PGAP1: variants seen among roughly 807,000 people sequenced by gnomAD.
PGAP1 encodes GPI inositol-deacylase.
Under a neutral mutation model 127.0 loss-of-function variants are expected in PGAP1, and 76 were observed. The observed-to-expected ratio is 0.60, with a 90% CI of 0.50 to 0.72. PGAP1 has a LOEUF of 0.72. PGAP1 is among the 30% of genes least tolerant of loss of function. The probability of loss-of-function intolerance (pLI) is 0.00; values close to 1 mark genes in which losing one functional copy is unlikely to be tolerated. For synonymous variants in PGAP1, 362 were observed against 366.5 expected, an observed-to-expected ratio of 0.99 and a Z score of 0.14; for missense variants, 982 against 1,071.3, an observed-to-expected ratio of 0.92 and a Z score of 1.16.
chr2:196,922,204 G>A, intron 1 of PGAP1: 1 of 1,291,082 alleles, frequency 7.7e-7, no homozygotes. Flanking sequence ...AACTCAAAAG[G>A]TAAAAATTCT....
At chr2:196,863,911 T>A (rs1446386840) in intron 20 of PGAP1, among the ~76,000 whole-genome samples, 7 of 152,068 alleles carry the variant, frequency 4.6e-5, no homozygotes, top group Admixed American at 3.3e-4. Flanking sequence ...TTGTATATTT[T>A]AAAATAGCTA....
chr2:196,851,025 T>C (rs1320809172), intron 20 of PGAP1, among the ~76,000 whole-genome samples: 1 of 151,896 alleles, frequency 6.6e-6, no homozygotes, highest in Non-Finnish European at 1.5e-5. Flanking sequence ...AATGCAAAAG[T>C]ATAAAAAAGT....
rs961950645 is a variant in PGAP1, at chr2:196,923,395, T to C, written c.147+3075A>G. Among the ~76,000 whole-genome samples, 6 of 152,102 alleles carry C rather than the reference T, an allele frequency of 3.9e-5. No individual in the cohort carries two copies. The East Asian group carries it at 9.6e-4, about 24-fold the overall frequency. ...GAACACCCAAGACAAACTTGGATGCTCTCCCTTATATGAAAAGCTCTGTAC... is the reference window on the plus strand; with the variant it reads ...GAACACCCAAGACAAACTTGGATGCCCTCCCTTATATGAAAAGCTCTGTAC... On this transcript the variant is annotated intron_variant, in intron 1 of 26. Transcript: ENST00000354764.
At chr2:196,918,945 C>G (rs1703097086) in intron 2 of PGAP1, among the ~76,000 whole-genome samples, 2 of 152,164 alleles carry the variant, frequency 1.3e-5, no homozygotes, top group African/African-American at 4.8e-5. Context: ...CATTCAAAGT[C>G]TTTTCCACAG....
chr2:196,906,920 G>A (rs1702739654), intron 4 of PGAP1, among the ~76,000 whole-genome samples: 1 of 137,570 alleles, frequency 7.3e-6, no homozygotes, highest in African/African-American at 3.0e-5. Context: ...AAAAAGAAAT[G>A]AGCAAAACCT....
intron 19 of PGAP1, among the ~76,000 whole-genome samples, chr2:196,870,052 A>G (rs536766582): frequency 9.2e-4 from 140 of 152,332 alleles, no homozygotes; most frequent in Non-Finnish European, 8.2e-4. Context: ...ACAATTGTGC[A>G]AATTATAGTG....
At chr2:196,859,505 A>T (rs151245064) in intron 20 of PGAP1, among the ~76,000 whole-genome samples, 3 of 152,234 alleles carry the variant, frequency 2.0e-5, no homozygotes, top group Admixed American at 2.0e-4. Flanking sequence ...GTAACTCCAA[A>T]CTCATTCTAT....
At chr2:196,921,409 C>G (rs1703189505) in intron 1 of PGAP1, among the ~76,000 whole-genome samples, 1 of 152,180 alleles carries the variant, frequency 6.6e-6, no homozygotes, top group African/African-American at 2.4e-5. Flanking sequence ...ATATGTACTT[C>G]AATTCAAATT....
intron 1 of PGAP1, among the ~76,000 whole-genome samples, chr2:196,925,641 G>A (rs1366225164): frequency 1.3e-5 from 2 of 152,154 alleles, no homozygotes; most frequent in African/African-American, 4.8e-5. Context: ...CATGGAAGCG[G>A]TAGGGGTGGA....
intron 1 of PGAP1, among the ~76,000 whole-genome samples, chr2:196,920,362 G>C (rs1182755903): frequency 4.6e-5 from 7 of 152,134 alleles, no homozygotes; most frequent in Non-Finnish European, 8.8e-5. Context: ...GAACCATGTA[G>C]TCTTTAGGAA....
Position 196,897,207 on chromosome 2 carries a change from AAAGT to A in PGAP1, c.861-14_861-11del, listed in dbSNP as rs751306632. The A allele has an allele frequency of 4.4e-4, 671 of 1,527,516 alleles. 8 individuals are homozygous for A. In the Middle Eastern group the frequency reaches 4.4e-3, roughly 10 times the overall value. 94.6% of individuals were successfully genotyped at this position (1,527,516 alleles called of 1,614,324 possible). ...CTGCAATTGTTTACACCTAAGGAAT[AAAGT>A]AAGTGTTACAAATAAAACTTTCTTA... is the stretch of plus-strand genomic sequence containing the variant. On this transcript the variant is annotated splice_polypyrimidine_tract_variant and intron_variant, in intron 6 of 26. Coordinates refer to ENST00000354764, the MANE Select transcript of PGAP1 (RefSeq NM_024989.4).
chr2:196,893,110 T>G, intron 8 of PGAP1, 30 bp downstream of exon 8: 1 of 1,318,580 alleles, frequency 7.6e-7, no homozygotes, highest in Non-Finnish European at 1.1e-6. Flanking sequence ...AATACTTCAT[T>G]TAAAATTAAA....
At chr2:196,850,755 G>A (rs1391539457) in intron 20 of PGAP1, among the ~76,000 whole-genome samples, 1 of 151,690 alleles carries the variant, frequency 6.6e-6, no homozygotes, top group Non-Finnish European at 1.5e-5. Flanking sequence ...AGAGATGGGA[G>A]GGGAAGGAAG....
At chr2:196,903,274 G>A (rs1377294446) in intron 4 of PGAP1, among the ~76,000 whole-genome samples, 1 of 150,940 alleles carries the variant, frequency 6.6e-6, no homozygotes, top group African/African-American at 2.4e-5. Context: ...AAGAGCTGTA[G>A]ATCCCTCCCT....
At chr2:196,845,793 G>C in intron 23 of PGAP1, 89 bp downstream of exon 23, 2 of 1,155,394 alleles carry the variant, frequency 1.7e-6, no homozygotes, top group Non-Finnish European at 2.3e-6. Flanking sequence ...GTGTTTATGA[G>C]AATTTTTGTT....
At chr2:196,845,793 G>T in intron 23 of PGAP1, 89 bp downstream of exon 23, 1 of 1,155,390 alleles carries the variant, frequency 8.7e-7, no homozygotes, top group Non-Finnish European at 1.2e-6. Flanking sequence ...GTGTTTATGA[G>T]AATTTTTGTT....
At chr2:196,842,088 C>G (rs1478228138) in intron 26 of PGAP1, among the ~76,000 whole-genome samples, 1 of 150,460 alleles carries the variant, frequency 6.6e-6, no homozygotes, top group Non-Finnish European at 1.5e-5. Flanking sequence ...ATCTTACATT[C>G]CCAAAACAAG....
At chr2:196,849,382 G>A (rs1700652302) in intron 20 of PGAP1, among the ~76,000 whole-genome samples, 1 of 150,390 alleles carries the variant, frequency 6.6e-6, no homozygotes. Context: ...TCCTGCCTCA[G>A]CCTTCCGAGT....
At chr2:196,842,317 A>G (rs1454582587) in intron 26 of PGAP1, among the ~76,000 whole-genome samples, 1 of 152,194 alleles carries the variant, frequency 6.6e-6, no homozygotes, top group African/African-American at 2.4e-5. Flanking sequence ...CAACAAGTGA[A>G]TGAAAAATCA....
Sources: gnomAD v4.1 joint callset for allele counts (sites outside exome capture counted in the v4.1 genomes callset) on GRCh38, gnomAD v4.1.1 for gene constraint, MANE v1.5 for transcripts, NCBI Gene and HGNC (gene_info 2026-07-23, HGNC 2026-07-21) for gene names.